The following RUBCNL variants were observed in gnomAD, a reference collection of about 807,000 sequenced individuals.
RUBCNL encodes protein associated with UVRAG as autophagy enhancer.
Under a neutral mutation model 69.5 loss-of-function variants are expected in RUBCNL, and 62 were observed. The observed-to-expected ratio is 0.89, with a 90% CI of 0.73 to 1.10. The LOEUF is 1.10. Among genes scored for constraint, RUBCNL ranks in the 50% least tolerant of loss-of-function variants. The probability of loss-of-function intolerance (pLI) is 0.00; values close to 1 mark genes in which losing one functional copy is unlikely to be tolerated. For missense variants in RUBCNL, 768 were observed against 798.1 expected, an observed-to-expected ratio of 0.96 and a Z score of 0.45; for synonymous variants, 291 against 303.6, an observed-to-expected ratio of 0.96 and a Z score of 0.43.
At position 46,372,091 on chromosome 13, in the gene RUBCNL, G is replaced by A. The variant is rs769041763; in HGVS notation, c.385C>T (p.Leu129=). Residue 129 remains leucine (L), a synonymous_variant, in exon 3 of 15, where the codon CTG becomes TTG. Transcript: ENST00000429979. ...ACCATGTGTACCTCTGTTGAGGACAGAGAGAAGCTGCTACTCTTTTCACTC... is the reference window on the plus strand; with the variant it reads ...ACCATGTGTACCTCTGTTGAGGACAAAGAGAAGCTGCTACTCTTTTCACTC... ...GSSEKSSSFS[L]SSTEVHMVRP... The A allele has an allele frequency of 2.0e-5, 32 of 1,614,060 alleles. No individual in the cohort carries two copies. The highest frequency in any genetic ancestry group is 2.7e-5 in the Non-Finnish European group (32 of 1,179,896).
At chr13:46,356,804 G>T (rs2048495812) in intron 9 of RUBCNL, among the ~76,000 whole-genome samples, 1 of 151,656 alleles carries the variant, frequency 6.6e-6, no homozygotes, top group Admixed American at 6.6e-5. Flanking sequence ...CCTCGGCTCA[G>T]CTCAAGCAAT....
intron 1 of RUBCNL, among the ~76,000 whole-genome samples, chr13:46,382,590 T>G (rs2049142116): frequency 6.6e-6 from 1 of 152,208 alleles, no homozygotes; most frequent in South Asian, 2.1e-4. Flanking sequence ...TGGAGTGCAG[T>G]GGCATGATCT....
chr13:46,376,527 A>C (rs1225219652), intron 2 of RUBCNL, among the ~76,000 whole-genome samples: 1 of 152,134 alleles, frequency 6.6e-6, no homozygotes, highest in Non-Finnish European at 1.5e-5. Context: ...TCCTGACCTC[A>C]AATCCCACCT....
At chr13:46,350,054 T>G in intron 11 of RUBCNL, 59 bp downstream of exon 11, 1 of 1,282,242 alleles carries the variant, frequency 7.8e-7, no homozygotes, top group Non-Finnish European at 1.1e-6. Flanking sequence ...TAGTGTGATG[T>G]GCATTTCCTG....
At chr13:46,377,229 A>G (rs1317295013) in intron 2 of RUBCNL, among the ~76,000 whole-genome samples, 1 of 152,164 alleles carries the variant, frequency 6.6e-6, no homozygotes, top group East Asian at 1.9e-4. Flanking sequence ...TGCAGTCTCA[A>G]ATGGTAAAGC....
chr13:46,353,068 C>G (rs555488553), intron 10 of RUBCNL, among the ~76,000 whole-genome samples: 1 of 152,124 alleles, frequency 6.6e-6, no homozygotes, highest in African/African-American at 2.4e-5. Context: ...GCCTGGACTG[C>G]GAAAGCTCCA....
intron 3 of RUBCNL, among the ~76,000 whole-genome samples, chr13:46,371,321 C>A (rs780909165): frequency 3.3e-4 from 51 of 152,262 alleles, no homozygotes; most frequent in Non-Finnish European, 5.9e-4. Context: ...CAGATTATAA[C>A]AATAATAGCT....
chr13:46,347,687 A>C (rs1189593996), intron 12 of RUBCNL, among the ~76,000 whole-genome samples: 2 of 152,166 alleles, frequency 1.3e-5, no homozygotes, highest in African/African-American at 4.8e-5. Flanking sequence ...ATATTATTCA[A>C]ACTTAAGAAG....
At chr13:46,363,369 C>A (rs559799558) in intron 5 of RUBCNL, among the ~76,000 whole-genome samples, 156 bp from the exon 6 acceptor site, 1 of 152,064 alleles carries the variant, frequency 6.6e-6, no homozygotes, top group East Asian at 1.9e-4. Flanking sequence ...AACTGGGGAA[C>A]TATTTGTGTG....
In RUBCNL at chr13:46,377,932, G is replaced by GTC; in HGVS notation, c.-166_-165insGA. ...CGAAGAGGCAGATTGACACAGAGGA[G>GTC]AAAGTAATGATTGGAAACCATCAAA... On this transcript the variant is annotated 5_prime_UTR_variant, in exon 2 of 15. An upstream open reading frame in the 5' UTR gains an earlier in-frame stop. Coordinates refer to ENST00000429979, the MANE Select transcript of RUBCNL (RefSeq NM_025113.5). The GTC allele has an allele frequency of 6.2e-7, 1 of 1,610,000 alleles. No homozygotes were observed. Among genetic ancestry groups the GTC allele is most frequent in the Non-Finnish European group, 8.5e-7 (1 of 1,178,532 alleles).
intron 3 of RUBCNL, among the ~76,000 whole-genome samples, chr13:46,369,941 C>T (rs565305133): frequency 1.3e-5 from 2 of 152,346 alleles, no homozygotes; most frequent in South Asian, 2.1e-4. Flanking sequence ...TTCCTGTAAA[C>T]AGCTAGCTGG....
In RUBCNL at chr13:46,387,122, C is replaced by T. The variant is rs1054919017; in HGVS notation, c.-239+12G>A. 4 of 985,638 alleles carry T rather than the reference C, an allele frequency of 4.1e-6. No homozygotes were observed. In the African/African-American group the frequency reaches 5.2e-5, roughly 13 times the overall value. 61.1% of individuals were successfully genotyped at this position (985,638 alleles called of 1,614,324 possible). A position where few individuals can be genotyped will look rare whatever the true frequency, so the allele number is the denominator to read the frequency against. Reference sequence around the variant, plus strand: ...GCCGCTCCCATCTCGCCCCCGGCCCCGCCAGCCTCACCCAGCCAAACCCGA... The same window carrying T: ...GCCGCTCCCATCTCGCCCCCGGCCCTGCCAGCCTCACCCAGCCAAACCCGA... On this transcript the variant is annotated intron_variant, in intron 1 of 14. Transcript: ENST00000429979.
chr13:46,363,078 G>A (rs764779972), intron 6 of RUBCNL, 37 bp downstream of exon 6: 38 of 1,329,456 alleles, frequency 2.9e-5, no homozygotes, highest in Non-Finnish European at 3.6e-5. Context: ...GGATTGGGGA[G>A]GCAGCCAGTC....
Position 46,359,533 on chromosome 13 carries a change from C to A in RUBCNL, c.1218G>T (p.Trp406Cys). 1 of 1,596,560 alleles carries A rather than the reference C, an allele frequency of 6.3e-7. No homozygotes were observed. Among genetic ancestry groups the A allele is most frequent in the Non-Finnish European group, 8.5e-7 (1 of 1,170,932 alleles). Reference protein sequence around the residue: ...FKSRIRGTEDWAPPRFQIIFN... With the variant: ...FKSRIRGTEDCAPPRFQIIFN... ...ATATGATTTGAAATCTAGGAGGAGC[C>A]CAGTCTTCAGTCCCTCTGATCCTAG... Residue 406 changes from tryptophan (W) to cysteine (C), a missense_variant, in exon 9 of 15, where the codon TGG (tryptophan) becomes TGT (cysteine). Physicochemically the swap from Trp to Cys is radical, Grantham distance 215 (BLOSUM62 -2). Coordinates refer to ENST00000429979, the MANE Select transcript of RUBCNL (RefSeq NM_025113.5).
At chr13:46,355,294 CTTTTTT>C (rs34432929) in intron 10 of RUBCNL, among the ~76,000 whole-genome samples, 1 of 126,486 alleles carries the variant, frequency 7.9e-6, no homozygotes, top group African/African-American at 3.1e-5. Flanking sequence ...AAAGCCCGAG[CTTTTTT>C]TTTTTTTTTT....
intron 10 of RUBCNL, chr13:46,350,925 A>G (rs1436178702): frequency 1.3e-5 from 2 of 152,344 alleles, no homozygotes; most frequent in Non-Finnish European, 2.9e-5. Context: ...AGAAATGCAG[A>G]TAACTAACAG....
chr13:46,349,124 TG>T (rs899477349), intron 12 of RUBCNL, among the ~76,000 whole-genome samples, 161 bp downstream of exon 12: 2 of 152,224 alleles, frequency 1.3e-5, no homozygotes, highest in African/African-American at 4.8e-5. Flanking sequence ...ATCCCACTAT[TG>T]GCTTAGTAAT....
chr13:46,376,319 T>C (rs1439696618), intron 2 of RUBCNL, among the ~76,000 whole-genome samples: 1 of 152,094 alleles, frequency 6.6e-6, no homozygotes, highest in African/African-American at 2.4e-5. Context: ...TGGAGGCATA[T>C]AGATATATAT....
In RUBCNL at chr13:46,359,534, C is replaced by T; in HGVS notation, c.1217G>A (p.Trp406Ter). 2 of 1,596,014 alleles carry T rather than the reference C, an allele frequency of 1.3e-6. 1 individual carries two copies. Among genetic ancestry groups the T allele is most frequent in the Admixed American group, 3.5e-5 (2 of 57,038 alleles). Residue 406 changes from tryptophan (W) to a stop codon, truncating the protein, a stop_gained, in exon 9 of 15, where the codon TGG becomes TAG. Coordinates refer to ENST00000429979, the MANE Select transcript of RUBCNL (RefSeq NM_025113.5). LOFTEE classifies it high-confidence loss of function. Reference sequence around the variant, plus strand: ...TATGATTTGAAATCTAGGAGGAGCCCAGTCTTCAGTCCCTCTGATCCTAGA... The same window carrying T: ...TATGATTTGAAATCTAGGAGGAGCCTAGTCTTCAGTCCCTCTGATCCTAGA... Reference protein sequence around the residue: ...FKSRIRGTEDWAPPRFQIIFN... With the variant: ...FKSRIRGTED
Sources: allele counts gnomAD v4.1 joint callset (sites outside exome capture counted in the v4.1 genomes callset), GRCh38; gene constraint gnomAD v4.1.1; transcripts MANE v1.5; gene names NCBI Gene and HGNC (gene_info 2026-07-23, HGNC 2026-07-21).